TRPC5: variants seen among roughly 807,000 people sequenced by gnomAD.
TRPC5 encodes transient receptor potential cation channel subfamily C member 5.
TRPC5 carries 9 observed loss-of-function variants against 56.5 expected under a neutral mutation model. The ratio of observed to expected loss-of-function variants is 0.16; its 90% CI spans 0.10 to 0.28. The LOEUF (loss-of-function observed/expected upper bound fraction) is 0.28. Among genes scored for constraint, TRPC5 ranks in the 10% least tolerant of loss-of-function variants. The pLI is 1.00. For missense variants in TRPC5, 469 were observed against 748.9 expected, an observed-to-expected ratio of 0.63 and a Z score of 4.36; for synonymous variants, 282 against 278.5, an observed-to-expected ratio of 1.01 and a Z score of -0.13.
At chrX:111,894,879 TC>T (rs1242169944) in intron 3 of TRPC5, among the ~76,000 whole-genome samples, 1 of 111,581 alleles carries the variant, frequency 9.0e-6, no homozygotes, top group Non-Finnish European at 1.9e-5. Flanking sequence ...CCCTTCCCAG[TC>T]AATAACCCCC....
intron 1 of TRPC5, among the ~76,000 whole-genome samples, chrX:111,983,485 C>T (rs1460090573): frequency 3.6e-5 from 4 of 111,705 alleles, no homozygotes; most frequent in Non-Finnish European, 7.5e-5. Context: ...AAAATCTTCA[C>T]TTTTTTGCCC....
In TRPC5 at chrX:111,869,066, G is replaced by A. The variant is rs769253743; in HGVS notation, c.901-14960C>T. Among the ~76,000 whole-genome samples, 73 of 111,667 alleles carry A rather than the reference G, an allele frequency of 6.5e-4. 1 individual carries two copies. Among genetic ancestry groups the A allele is most frequent in the South Asian group, 3.4e-3 (9 of 2,672 alleles). On this transcript the variant is annotated intron_variant, in intron 3 of 10. Coordinates refer to ENST00000262839, the MANE Select transcript of TRPC5 (RefSeq NM_012471.3). The stretch of plus-strand genomic sequence containing the variant: ...AATCAGTGGCAATGCAAAAGTTCCC[G>A]AAGAGGAAGAAATGTTCAAGCACCT...
chrX:112,004,102 A>G (rs2148660588), intron 1 of TRPC5, among the ~76,000 whole-genome samples: 1 of 112,165 alleles, frequency 8.9e-6, no homozygotes, highest in East Asian at 2.8e-4. Context: ...AGCCTCAGGG[A>G]AGCTTAGTGA....
chrX:111,944,303 T>TGTGTGTGTGAAAGAGAGAGA (rs1173179815), intron 2 of TRPC5, among the ~76,000 whole-genome samples: 2 of 61,393 alleles, frequency 3.3e-5, no homozygotes, highest in African/African-American at 2.1e-4. Context: ...TGTGTGTGTG[T>TGTGTGTGTGAAAGAGAGAGA]GAGAGAGAGA....
chrX:111,902,022 AG>A, intron 3 of TRPC5: 1 of 1,155,740 alleles, frequency 8.7e-7, no homozygotes, highest in Non-Finnish European at 1.1e-6. Flanking sequence ...CTTCCCGAGG[AG>A]CCTTCGCTAC....
At chrX:111,999,742 G>A (rs1928648313) in intron 1 of TRPC5, among the ~76,000 whole-genome samples, 1 of 111,851 alleles carries the variant, frequency 8.9e-6, no homozygotes, top group Non-Finnish European at 1.9e-5. Context: ...GAGGTGGGCG[G>A]ATCACCTGAG....
intron 1 of TRPC5, among the ~76,000 whole-genome samples, chrX:112,000,721 A>G (rs985295483): frequency 8.9e-6 from 1 of 112,366 alleles, no homozygotes; most frequent in African/African-American, 3.2e-5. Context: ...CATGGTAAGC[A>G]CCTAACAAAA....
At chrX:111,891,148 C>T (rs186095844) in intron 3 of TRPC5, among the ~76,000 whole-genome samples, 1 of 111,998 alleles carries the variant, frequency 8.9e-6, no homozygotes, top group Non-Finnish European at 1.9e-5. Context: ...CATGTCTTTG[C>T]TATTGTGAAT....
At chrX:111,941,985 G>T (rs1926792053) in intron 2 of TRPC5, among the ~76,000 whole-genome samples, 1 of 111,653 alleles carries the variant, frequency 9.0e-6, no homozygotes, top group Admixed American at 9.5e-5. Context: ...ATGATGAGAA[G>T]CCCATGCTGT....
intron 1 of TRPC5, among the ~76,000 whole-genome samples, chrX:111,998,730 C>T (rs1391013336): frequency 2.7e-5 from 3 of 111,311 alleles, no homozygotes; most frequent in East Asian, 5.7e-4. Flanking sequence ...TATGGGGTTC[C>T]ACAGGGCCAG....
At chrX:111,926,943 G>A (rs1407903509) in intron 2 of TRPC5, among the ~76,000 whole-genome samples, 1 of 112,165 alleles carries the variant, frequency 8.9e-6, no homozygotes, top group South Asian at 3.7e-4. Context: ...TCAGTATGTG[G>A]GCAGAACACT....
At chrX:112,023,256 T>TG (rs1269236208) in intron 1 of TRPC5, among the ~76,000 whole-genome samples, 29 of 91,421 alleles carry the variant, frequency 3.2e-4, no homozygotes, top group African/African-American at 1.3e-3. Flanking sequence ...GTTTTTTTTT[T>TG]TTTTTTTTTT....
chrX:111,909,214 C>T (rs1034683561), intron 3 of TRPC5, among the ~76,000 whole-genome samples: 3 of 105,198 alleles, frequency 2.9e-5, no homozygotes, highest in Non-Finnish European at 5.8e-5. Flanking sequence ...CCTGTAGTCC[C>T]AACTACTATG....
At chrX:111,957,405 C>T (rs1338554917) in intron 1 of TRPC5, among the ~76,000 whole-genome samples, 1 of 112,141 alleles carries the variant, frequency 8.9e-6, no homozygotes, top group Admixed American at 9.5e-5. Context: ...TAAGACTCAA[C>T]ACTTATTCTG....
intron 3 of TRPC5, chrX:111,903,112 G>A (rs1051395547): frequency 5.4e-5 from 6 of 111,569 alleles, no homozygotes; most frequent in African/African-American, 2.0e-4. Flanking sequence ...CACCTGAACA[G>A]ATTGTACTGT....
rs768161704 is a variant in TRPC5 at position 111,906,879 on chromosome X, C to G, written c.900+5412G>C. On this transcript the variant is annotated intron_variant, in intron 3 of 10. Coordinates refer to ENST00000262839, the MANE Select transcript of TRPC5 (RefSeq NM_012471.3). ...AGAGTGGAGAAGTAATGCTTCTGCT[C>G]TGTCCTATTCCTCATTACAGACATT... Among the ~76,000 whole-genome samples the G allele has an allele frequency of 7.2e-5, 8 of 111,849 alleles. No homozygotes were observed. The East Asian group carries it at 2.2e-3, about 31-fold the overall frequency.
chrX:111,893,752 T>C (rs1428027276), intron 3 of TRPC5, among the ~76,000 whole-genome samples: 3 of 112,248 alleles, frequency 2.7e-5, no homozygotes, highest in Non-Finnish European at 5.6e-5. Flanking sequence ...AAATTAAAGA[T>C]GCTTCATGGG....
chrX:111,903,150 A>G (rs1426063684), intron 3 of TRPC5: 1 of 111,738 alleles, frequency 8.9e-6, no homozygotes, highest in African/African-American at 3.3e-5. Flanking sequence ...TAGATAAGAT[A>G]TATTCCAGTG....
At chrX:112,056,037 C>T (rs1363958361) in intron 1 of TRPC5, among the ~76,000 whole-genome samples, 2 of 111,461 alleles carry the variant, frequency 1.8e-5, no homozygotes, top group Non-Finnish European at 3.8e-5. Context: ...TGCAGTGATA[C>T]CTGTGAGGTG....
Sources: gnomAD v4.1 joint callset for allele counts (sites outside exome capture counted in the v4.1 genomes callset) on GRCh38, gnomAD v4.1.1 for gene constraint, MANE v1.5 for transcripts, NCBI Gene and HGNC (gene_info 2026-07-23, HGNC 2026-07-21) for gene names.